BAG6: variants seen among roughly 807,000 people sequenced by gnomAD.
BAG6 encodes the protein large proline-rich protein BAG6.
A neutral mutation model predicts 121.0 loss-of-function variants in BAG6; 22 were observed. The ratio of observed to expected loss-of-function variants is 0.18; its 90% CI spans 0.13 to 0.26. The LOEUF (loss-of-function observed/expected upper bound fraction) is 0.26. Ranked by LOEUF, BAG6 falls within the 10% of genes least tolerant of loss-of-function variation. The pLI is 1.00. For missense variants in BAG6, 1,233 were observed against 1,537.7 expected (o/e 0.80, Z 3.31); for synonymous variants, 583 against 584.6 (o/e 1.00, Z 0.04).
Position 31,640,296 on chromosome 6 carries a change from G to A in BAG6, c.3149C>T (p.Pro1050Leu). 1.2e-6 allele frequency: 2 copies of A among 1,614,186 alleles called. No individual in the cohort carries two copies. The highest frequency in any genetic ancestry group is 1.7e-6 in the Non-Finnish European group (2 of 1,180,030). ...GCTCTGAATGTCCTGCTGGATAATA[G>A]GGACCCATTCCTGGGGAGGAAAAGA... ...WAAAVPPEWV[P>L]IIQQDIQSQR... Residue 1050 changes from proline to leucine, a missense_variant, in exon 24 of 26, where the codon CCT (proline) becomes CTT (leucine). This residue lies in a region of BAG6 where 288 missense variants were observed against 483.1 expected (regional missense o/e 0.60). Transcript: ENST00000676615. The surrounding 1 kb of genome is among the most constrained non-coding windows in gnomAD (Gnocchi z 4.2).
chr6:31,639,912 G>A, intron 24 of BAG6: 1 of 616,834 alleles, frequency 1.6e-6, no homozygotes, highest in East Asian at 2.8e-5. Context: ...TTCAGAGCTA[G>A]GTAATCCACA....
At chr6:31,639,762 A>G (rs1213297359) in intron 24 of BAG6, 116 bp from the exon 25 acceptor site, 1 of 1,258,208 alleles carries the variant, frequency 7.9e-7, no homozygotes, top group Non-Finnish European at 1.1e-6. Flanking sequence ...TAGTGGAGAG[A>G]GGGGAAATTA....
chr6:31,652,363 A>ACCCACCCC (rs1561982283), intron 1 of BAG6, 61 bp downstream of exon 1: 1 of 129,262 alleles, frequency 7.7e-6, no homozygotes, highest in African/African-American at 3.1e-5. Flanking sequence ...ACACACACCC[A>ACCCACCCC]CCACCCCGCG....
At chr6:31,648,079 G>C (rs1339625532) in intron 6 of BAG6, among the ~76,000 whole-genome samples, 1 of 149,548 alleles carries the variant, frequency 6.7e-6, no homozygotes, top group Admixed American at 6.7e-5. Context: ...GCAGTGGCAT[G>C]ATCTCAGCTC....
At chr6:31,639,295 G>C in intron 25 of BAG6, 69 bp from the exon 26 acceptor site, 1 of 1,497,250 alleles carries the variant, frequency 6.7e-7, no homozygotes, top group Non-Finnish European at 9.2e-7. Flanking sequence ...AAGCACACAA[G>C]GCCATCCCTC....
chr6:31,647,947 A>G (rs1009875881), intron 6 of BAG6, 121 bp from the exon 7 acceptor site: 8 of 1,307,900 alleles, frequency 6.1e-6, no homozygotes, highest in Non-Finnish European at 7.9e-6. Flanking sequence ...TGGCTCTGCA[A>G]TTTTATCTCC....
In BAG6 at chr6:31,640,331, A is replaced by C. The variant is rs781296203; in HGVS notation, c.3139-25T>G. The C allele has an allele frequency of 6.2e-7, 1 of 1,614,158 alleles. No individual in the cohort carries two copies. The highest frequency in any genetic ancestry group is 1.1e-5 in the South Asian group (1 of 91,082). ...CCTGGGGAGGAAAAGAGAAAATAGT[A>C]ATGTCCTTGACTTTCAGCTGCCATG... On this transcript the variant is annotated intron_variant, in intron 23 of 25. Transcript: ENST00000676615. The surrounding 1 kb of genome is among the most constrained non-coding windows in gnomAD (Gnocchi z 4.2).
chr6:31,647,822 C>T lies in BAG6; in HGVS notation c.557G>A (p.Arg186Gln), dbSNP rs781647920. The T allele has an allele frequency of 8.4e-6, 13 of 1,543,598 alleles. No homozygotes were observed. The highest frequency in any genetic ancestry group is 2.8e-5 in the African/African-American group (2 of 72,008). Reference sequence around the variant, plus strand: ...ACTGTGCTGCGGTTGGGGCCCTCCTCGACACTGAAGGTAGGGGAGAGTCAG... The same window carrying T: ...ACTGTGCTGCGGTTGGGGCCCTCCTTGACACTGAAGGTAGGGGAGAGTCAG... ...IQTLLSRMECRGGPQPQHSQP... is the reference protein window; with the variant it reads ...IQTLLSRMECQGGPQPQHSQP... The change falls in exon 7 of 26, where the codon CGA becomes CAA. Residue 186 changes from arginine to glutamine, a missense_variant. Arg to Gln is a conservative substitution (Grantham distance 43, BLOSUM62 1). Transcript: ENST00000676615.
chr6:31,643,894 A>C lies in BAG6; in HGVS notation c.1752T>G (p.Leu584=), dbSNP rs773259735. The change falls in exon 14 of 26, where the codon CTT becomes CTG. Residue 584 remains leucine (L), a synonymous_variant. Transcript: ENST00000676615. The part of the protein sequence containing the change: ...LVGQLLMQPV[L]VAQGTPGMAP... ...TGGGGAAGAATGAAAACTCACCCAC[A>C]AGGACTGGCTGCATAAGAAGCTGCC... 6.2e-5 allele frequency: 100 copies of C among 1,612,976 alleles called. No homozygotes were observed. The highest frequency in any genetic ancestry group is 8.2e-5 in the Non-Finnish European group (97 of 1,180,020).
Position 31,641,650 on chromosome 6 carries a change from C to T in BAG6, c.2506-58G>A. On this transcript the variant is annotated intron_variant, in intron 17 of 25. Coordinates refer to ENST00000676615, the MANE Select transcript of BAG6 (RefSeq NM_001387994.1). This position sits in a 1 kb window ranked among gnomAD's most constrained non-coding sequence, Gnocchi z 5.7. Reference sequence around the variant, plus strand: ...GCCTCAGTCCTCCCAAGACTTCCACCTCGACCCCAACAAGTCCAGGGCTTG... The same window carrying T: ...GCCTCAGTCCTCCCAAGACTTCCACTTCGACCCCAACAAGTCCAGGGCTTG... 6.2e-7 allele frequency: 1 copy of T among 1,613,084 alleles called. No homozygotes were observed. Among genetic ancestry groups the T allele is most frequent in the Middle Eastern group, 1.6e-4 (1 of 6,062 alleles).
rs1238726234 is a variant in BAG6 at position 31,643,979 on chromosome 6, T to C, written c.1669-2A>G. Reference sequence around the variant, plus strand: ...ATTGGTACCCAGACCGGCGCCCTGCTGGATAGAGAGCAAGGGAGAATTTCA... The same window carrying C: ...ATTGGTACCCAGACCGGCGCCCTGCCGGATAGAGAGCAAGGGAGAATTTCA... On this transcript the variant is annotated splice_acceptor_variant, in intron 13 of 25. Transcript: ENST00000676615. LOFTEE classifies it high-confidence loss of function. The C allele has an allele frequency of 1.9e-6, 3 of 1,614,072 alleles. No homozygotes were observed. Among genetic ancestry groups the C allele is most frequent in the Non-Finnish European group, 2.5e-6 (3 of 1,180,000 alleles).
In BAG6 at chr6:31,643,119, T is replaced by TCC; in HGVS notation, c.1757-5_1757-4insGG. ...GCCATACCTGGGGTCCCCTGAGCTG[T>TCC]AAGAAACCAAAAAAAGAAAGCTGGG... is the stretch of plus-strand genomic sequence containing the variant. On this transcript the variant is annotated splice_polypyrimidine_tract_variant and splice_region_variant and intron_variant, in intron 14 of 25. Coordinates refer to ENST00000676615, the MANE Select transcript of BAG6 (RefSeq NM_001387994.1). 1 of 1,552,568 alleles carries TCC rather than the reference T, an allele frequency of 6.4e-7. No homozygotes were observed. The highest frequency in any genetic ancestry group is 8.6e-7 in the Non-Finnish European group (1 of 1,159,076).
In BAG6 at chr6:31,646,409, C is replaced by T. The variant is rs745661639; in HGVS notation, c.903G>A (p.Thr301=). ...YYEVLGAAAT[T]DYNNNHEGRE... ...AAGGGCTCACATTGTTATTGTAGTC[C>T]GTGGTGGCAGCAGCACCCAGAACCT... The change falls in exon 8 of 26, where the codon ACG becomes ACA. Residue 301 remains threonine (T), a synonymous_variant. Coordinates refer to ENST00000676615, the MANE Select transcript of BAG6 (RefSeq NM_001387994.1). 1.9e-6 allele frequency: 3 copies of T among 1,612,700 alleles called. No homozygotes were observed. The highest frequency in any genetic ancestry group is 2.7e-5 in the African/African-American group (2 of 74,880).
Position 31,640,319 on chromosome 6 carries a change from A to T in BAG6, c.3139-13T>A. ...TAGGGACCCATTCCTGGGGAGGAAA[A>T]GAGAAAATAGTAATGTCCTTGACTT... On this transcript the variant is annotated splice_polypyrimidine_tract_variant and intron_variant, in intron 23 of 25. Transcript: ENST00000676615. The surrounding 1 kb of genome is among the most constrained non-coding windows in gnomAD (Gnocchi z 4.2). 6.2e-7 allele frequency: 1 copy of T among 1,614,140 alleles called. No homozygotes were observed.
chr6:31,640,724 C>G lies in BAG6; in HGVS notation c.2935-20G>C. ...AAGTGGCTGTGAAATTAAAGAACAC[C>G]ATACTTCCTCTCAGATCTCTCCAGT... On this transcript the variant is annotated intron_variant, in intron 21 of 25. Coordinates refer to ENST00000676615, the MANE Select transcript of BAG6 (RefSeq NM_001387994.1). The surrounding 1 kb of genome is among the most constrained non-coding windows in gnomAD (Gnocchi z 4.2). The G allele has an allele frequency of 6.2e-7, 1 of 1,612,918 alleles. No individual in the cohort carries two copies. The highest frequency in any genetic ancestry group is 8.5e-7 in the Non-Finnish European group (1 of 1,180,006).
In BAG6 at chr6:31,645,480, T is replaced by G. The variant is rs1040504206; in HGVS notation, c.1043A>C (p.His348Pro). 3 of 1,613,018 alleles carry G rather than the reference T, an allele frequency of 1.9e-6. No homozygotes were observed. Among genetic ancestry groups the G allele is most frequent in the Non-Finnish European group, 2.5e-6 (3 of 1,179,998 alleles). ...AGACATAGGCCGGACCACATGCAGG[T>G]GTCGTGGGGGCGTGCAGGCCAGATT... ...RCNLACTPPR[H>P]LHVVRPMSHY... The change falls in exon 9 of 26, where the codon CAC (histidine) becomes CCC (proline). Residue 348 changes from histidine (H) to proline (P), a missense_variant. Coordinates refer to ENST00000676615, the MANE Select transcript of BAG6 (RefSeq NM_001387994.1).
intron 25 of BAG6, 95 bp from the exon 26 acceptor site, chr6:31,639,321 C>CA: frequency 6.9e-7 from 1 of 1,452,836 alleles, no homozygotes; most frequent in Non-Finnish European, 9.5e-7. Flanking sequence ...CTAACATTTC[C>CA]CCCCCCAAGC....
At position 31,640,921 on chromosome 6, in the gene BAG6, C is replaced by T. The variant is rs918458606; in HGVS notation, c.2805G>A (p.Gly935=). 6.2e-7 allele frequency: 1 copy of T among 1,612,538 alleles called. No individual in the cohort carries two copies. The highest frequency in any genetic ancestry group is 1.3e-5 in the African/African-American group (1 of 74,860). ...INGRIRRMSR[G]VNPSLVSWLT... ...GCCAGCTCACCAAGGAGGGATTCAC[C>T]CCACGAGACATACGACGCTGAGGGA... is the stretch of plus-strand genomic sequence containing the variant. Residue 935 remains glycine, a synonymous_variant, in exon 21 of 26, where the codon GGG becomes GGA. Coordinates refer to ENST00000676615, the MANE Select transcript of BAG6 (RefSeq NM_001387994.1). This position sits in a 1 kb window ranked among gnomAD's most constrained non-coding sequence, Gnocchi z 4.2.
chr6:31,639,350 G>A, intron 25 of BAG6, 124 bp from the exon 26 acceptor site: 1 of 1,439,320 alleles, frequency 6.9e-7, no homozygotes, highest in East Asian at 2.3e-5. Flanking sequence ...AAATAGCCCG[G>A]GGTGGCACTG....
Sources: allele counts gnomAD v4.1 joint callset (sites outside exome capture counted in the v4.1 genomes callset), GRCh38; gene constraint gnomAD v4.1.1; regional missense constraint gnomAD v4.1.1; non-coding constraint Gnocchi (gnomAD v3.1); transcripts MANE v1.5; gene names NCBI Gene and HGNC (gene_info 2026-07-23, HGNC 2026-07-21).